The following ZPBP variants were observed in gnomAD, a reference collection of about 807,000 sequenced individuals.
ZPBP encodes zona pellucida binding protein.
A neutral mutation model predicts 44.8 loss-of-function variants in ZPBP; 26 were observed. The observed-to-expected ratio is 0.58, with a 90% confidence interval of 0.43 to 0.81. ZPBP has a LOEUF of 0.81. Ranked by LOEUF, ZPBP falls within the 30% of genes least tolerant of loss-of-function variation. ZPBP has a pLI of 0.00. For missense variants in ZPBP, 409 were observed against 434.0 expected (o/e 0.94, Z 0.51); for synonymous variants, 174 against 153.2 (o/e 1.14, Z -1.00).
At chr7:49,935,796 A>G (rs1794603558), downstream of ZPBP, 1 of 152,172 alleles carries the variant, frequency 6.6e-6, no homozygotes, top group Admixed American at 6.6e-5. Context: ...CTGGTGTGCC[A>G]GTAGCTAAAA....
intron 7 of ZPBP, among the ~76,000 whole-genome samples, chr7:49,951,820 T>A (rs909057479): frequency 6.6e-6 from 1 of 151,618 alleles, no homozygotes; most frequent in Non-Finnish European, 1.5e-5. Flanking sequence ...AGCCAAAATA[T>A]GGAAATAACC....
At chr7:50,031,351 TTAAA>T (rs1483090765) in intron 4 of ZPBP, 41 bp from the exon 5 acceptor site, 1 of 1,476,620 alleles carries the variant, frequency 6.8e-7, no homozygotes, top group African/African-American at 1.4e-5. Flanking sequence ...AAATGGTTAT[TTAAA>T]TAATTCAAAC....
At chr7:50,086,646 G>A (rs964931912) in intron 2 of ZPBP, among the ~76,000 whole-genome samples, 1 of 151,804 alleles carries the variant, frequency 6.6e-6, no homozygotes, top group Non-Finnish European at 1.5e-5. Context: ...GTCAACATGG[G>A]ATTACCCAGT....
intron 7 of ZPBP, 47 bp downstream of exon 7, chr7:49,983,295 A>T (rs1457252161): frequency 6.3e-7 from 1 of 1,576,370 alleles, no homozygotes. Flanking sequence ...ATGAAAACAC[A>T]TAAATTTTCA....
chr7:49,853,648 CGTTT>C (rs1790289357), intron 2 of ZPBP, among the ~76,000 whole-genome samples: 1 of 151,382 alleles, frequency 6.6e-6, no homozygotes, highest in South Asian at 2.1e-4. Flanking sequence ...TGTTTATGAA[CGTTT>C]GTTTTTCTTC....
chr7:49,985,383 T>C (rs1797217461), intron 6 of ZPBP, among the ~76,000 whole-genome samples: 1 of 152,200 alleles, frequency 6.6e-6, no homozygotes, highest in African/African-American at 2.4e-5. Context: ...TTGTGATATG[T>C]CATTTTGCTT....
chr7:49,878,624 G>A (rs1255385146), intron 2 of ZPBP, among the ~76,000 whole-genome samples: 2 of 152,014 alleles, frequency 1.3e-5, no homozygotes, highest in East Asian at 1.9e-4. Flanking sequence ...GACATTCCAA[G>A]TTGTATATTA....
chr7:49,957,346 T>G (rs1795649314), intron 7 of ZPBP, among the ~76,000 whole-genome samples: 1 of 151,972 alleles, frequency 6.6e-6, no homozygotes, highest in Non-Finnish European at 1.5e-5. Context: ...AGGCCCAGAG[T>G]GTCACTCCTC....
At chr7:50,071,298 T>C (rs553148049) in intron 3 of ZPBP, among the ~76,000 whole-genome samples, 27 of 152,240 alleles carry the variant, frequency 1.8e-4, no homozygotes, top group South Asian at 1.7e-3. Context: ...TACCTGCCCA[T>C]GGAGTGAGCA....
intron 3 of ZPBP, among the ~76,000 whole-genome samples, chr7:50,077,028 A>T (rs1276967442): frequency 6.7e-6 from 1 of 148,160 alleles, no homozygotes; most frequent in Non-Finnish European, 1.5e-5. Flanking sequence ...CCAAAACAAC[A>T]TGGTACTAGC....
chr7:49,855,489 T>G (rs1790377611), intron 2 of ZPBP, among the ~76,000 whole-genome samples: 2 of 151,982 alleles, frequency 1.3e-5, no homozygotes, highest in Non-Finnish European at 2.9e-5. Context: ...ATTTCCCAGG[T>G]GAAAGAGGAC....
chr7:50,027,903 A>G (rs1236808250), intron 5 of ZPBP, among the ~76,000 whole-genome samples: 1 of 152,054 alleles, frequency 6.6e-6, no homozygotes, highest in Non-Finnish European at 1.5e-5. Context: ...CTAAGTAAGG[A>G]GTTTGAATCA....
intron 1 of ZPBP, among the ~76,000 whole-genome samples, chr7:49,906,044 T>C (rs947580732): frequency 2.0e-5 from 3 of 152,206 alleles, no homozygotes; most frequent in South Asian, 4.1e-4. Context: ...GACTCCCTGT[T>C]TAGCATATAA....
At chr7:49,874,926 T>C (rs1791332983) in intron 2 of ZPBP, among the ~76,000 whole-genome samples, 1 of 152,218 alleles carries the variant, frequency 6.6e-6, no homozygotes, top group Non-Finnish European at 1.5e-5. Flanking sequence ...CTTGGAATTG[T>C]AATTACCCAC....
At chr7:49,880,109 C>A (rs1791603535) in intron 2 of ZPBP, among the ~76,000 whole-genome samples, 1 of 152,146 alleles carries the variant, frequency 6.6e-6, no homozygotes, top group Non-Finnish European at 1.5e-5. Context: ...TAGATTTTGA[C>A]AAAGTGTTTT....
At chr7:49,934,024 C>T (rs953192722), downstream of ZPBP, among the ~76,000 whole-genome samples, 1 of 146,504 alleles carries the variant, frequency 6.8e-6, no homozygotes, top group African/African-American at 2.6e-5. Flanking sequence ...ACACGTTGTG[C>T]ACATGTACCC....
At chr7:49,840,991 G>C in the ZPBP span, among the ~76,000 whole-genome samples, 2 of 152,228 alleles carry the variant, frequency 1.3e-5, no homozygotes, top group Non-Finnish European at 2.9e-5. Flanking sequence ...AGAAGAGCTA[G>C]AAGGAATACC....
At chr7:50,084,224 AG>A (rs1802511482) in intron 2 of ZPBP, among the ~76,000 whole-genome samples, 1 of 151,874 alleles carries the variant, frequency 6.6e-6, no homozygotes. Flanking sequence ...GCACCACTGA[AG>A]GAAGTGTGAA....
intron 7 of ZPBP, among the ~76,000 whole-genome samples, chr7:49,964,247 C>T (rs1196177573): frequency 3.3e-5 from 5 of 151,810 alleles, no homozygotes; most frequent in African/African-American, 9.7e-5. Context: ...ATAAGCATAG[C>T]TATTCTCACA....
Sources: allele counts gnomAD v4.1 joint callset (sites outside exome capture counted in the v4.1 genomes callset), GRCh38; gene constraint gnomAD v4.1.1; transcripts MANE v1.5; gene names NCBI Gene and HGNC (gene_info 2026-07-23, HGNC 2026-07-21).